Variants in CEACAM16 observed in about 807,000 individuals in gnomAD.
The protein encoded by CEACAM16 is cell adhesion molecule CEACAM16.
In CEACAM16, 30 loss-of-function variants were observed where a neutral mutation model predicts 39.4. The ratio of observed to expected loss-of-function variants is 0.76; its 90% CI spans 0.57 to 1.03. The LOEUF (loss-of-function observed/expected upper bound fraction) is 1.03, where lower values mean the gene tolerates loss of function less well. Ranked by LOEUF, CEACAM16 falls within the 50% of genes least tolerant of loss-of-function variation. The pLI is 0.00. For missense variants in CEACAM16, 521 were observed against 585.3 expected (o/e 0.89, Z 1.13); for synonymous variants, 262 against 264.9 (o/e 0.99, Z 0.11).
rs1489035444 is a variant in CEACAM16 at position 44,705,794 on chromosome 19, G to A, written c.866G>A (p.Gly289Glu). 1.9e-6 allele frequency: 3 copies of A among 1,613,990 alleles called. No homozygotes were observed. In the East Asian group the frequency reaches 6.7e-5, roughly 36 times the overall value. Residue 289 changes from glycine (G) to glutamate (E), a missense_variant, in exon 5 of 7, where the codon GGG becomes GAG. Coordinates refer to ENST00000587331, the MANE Select transcript of CEACAM16 (RefSeq NM_001039213.4). ...NISSMTAAQEGTYTCIAKNTK... is the reference protein window; with the variant it reads ...NISSMTAAQEETYTCIAKNTK... ...AGCAGCATGACAGCCGCCCAGGAGGGGACGTACACATGTATTGCGAAGAAC... is the reference window on the plus strand; with the variant it reads ...AGCAGCATGACAGCCGCCCAGGAGGAGACGTACACATGTATTGCGAAGAAC...
intron 5 of CEACAM16, among the ~76,000 whole-genome samples, chr19:44,706,543 G>C (rs561053643): frequency 3.5e-4 from 53 of 152,232 alleles, no homozygotes; most frequent in African/African-American, 1.3e-3. Context: ...TCAGCCCCCG[G>C]GGGACAGTGG....
At position 44,710,623 on chromosome 19, in the gene CEACAM16, T is replaced by G; in HGVS notation, c.*117T>G. 7.0e-7 allele frequency: 1 copy of G among 1,429,870 alleles called. No homozygotes were observed. The highest frequency in any genetic ancestry group is 9.8e-7 in the Non-Finnish European group (1 of 1,017,434). 88.6% of individuals were successfully genotyped at this position (1,429,870 alleles called of 1,614,324 possible). On this transcript the variant is annotated 3_prime_UTR_variant, in exon 7 of 7. Transcript: ENST00000587331. ...GGATGCCAGGCTGTGGTCCTGCTGT[T>G]CTCCTGCCTCCACCCTAGAGCTAGA... is the stretch of plus-strand genomic sequence containing the variant.
At position 44,708,203 on chromosome 19, in the gene CEACAM16, G is replaced by A. The variant is rs1356715165; in HGVS notation, c.1267+16G>A. 2.0e-6 allele frequency: 3 copies of A among 1,528,576 alleles called. No individual in the cohort carries two copies. Among genetic ancestry groups the A allele is most frequent in the African/African-American group, 1.4e-5 (1 of 72,850 alleles). The allele number at this position is 1,528,576 out of a possible 1,614,324, so 94.7% of individuals were successfully genotyped here. A position where few individuals can be genotyped will look rare whatever the true frequency, so the allele number is the denominator to read the frequency against. Reference sequence around the variant, plus strand: ...CAGGTGGCCCGTGAGTGTGTGGGAAGGGGCAAGGCGTGCCCCTTTTTAGAC... The same window carrying A: ...CAGGTGGCCCGTGAGTGTGTGGGAAAGGGCAAGGCGTGCCCCTTTTTAGAC... On this transcript the variant is annotated intron_variant, in intron 6 of 6. Coordinates refer to ENST00000587331, the MANE Select transcript of CEACAM16 (RefSeq NM_001039213.4).
rs769502146 is a variant in CEACAM16, at chr19:44,704,182, G to A, written c.547G>A (p.Gly183Ser). Residue 183 changes from glycine to serine, a missense_variant, in exon 4 of 7, where the codon GGC becomes AGC. Transcript: ENST00000587331. ...TCTCCGCCTGGGCCTGTCCCCTGAC[G>A]GCCGGGTGCTGGCCAGGCATGGCAT... ...VALRLGLSPD[G>S]RVLARHGIRR... The A allele has an allele frequency of 4.1e-5, 64 of 1,573,990 alleles. No individual in the cohort carries two copies. Among genetic ancestry groups the A allele is most frequent in the South Asian group, 3.7e-4 (32 of 85,918 alleles).
chr19:44,704,316 C>T lies in CEACAM16; in HGVS notation c.661+20C>T. The T allele has an allele frequency of 6.8e-7, 1 of 1,474,864 alleles. No homozygotes were observed. The highest frequency in any genetic ancestry group is 9.0e-7 in the Non-Finnish European group (1 of 1,108,708). 91.4% of individuals were successfully genotyped at this position (1,474,864 alleles called of 1,614,324 possible). On this transcript the variant is annotated intron_variant, in intron 4 of 6. Transcript: ENST00000587331. Reference sequence around the variant, plus strand: ...TGTACTGTGAGTCCTCCTGGCCCCACTGGAGATACCCAGTGTCCAAACCTC... The same window carrying T: ...TGTACTGTGAGTCCTCCTGGCCCCATTGGAGATACCCAGTGTCCAAACCTC...
rs1280737427 is a variant in CEACAM16 at position 44,710,704 on chromosome 19, G to C, written c.*198G>C. 4.7e-6 allele frequency: 3 copies of C among 633,162 alleles called. No homozygotes were observed. Among genetic ancestry groups the C allele is most frequent in the Non-Finnish European group, 8.2e-6 (3 of 367,278 alleles). 39.2% of individuals were successfully genotyped at this position (633,162 alleles called of 1,614,324 possible). On this transcript the variant is annotated 3_prime_UTR_variant, in exon 7 of 7. Transcript: ENST00000587331. Reference sequence around the variant, plus strand: ...TTGGGGAGCCACCGAGGCCATAAACGTCCTGGTTAATGCACACGTGTGTCA... The same window carrying C: ...TTGGGGAGCCACCGAGGCCATAAACCTCCTGGTTAATGCACACGTGTGTCA...
chr19:44,705,961 G>A, intron 5 of CEACAM16, 93 bp downstream of exon 5: 2 of 1,386,784 alleles, frequency 1.4e-6, no homozygotes, highest in Non-Finnish European at 2.0e-6. Context: ...CAGAGAATTG[G>A]AACATGGTAG....
chr19:44,701,399 G>A lies in CEACAM16; in HGVS notation c.-58G>A. 2.6e-6 allele frequency: 4 copies of A among 1,539,214 alleles called. No individual in the cohort carries two copies. The highest frequency in any genetic ancestry group is 3.5e-6 in the Non-Finnish European group (4 of 1,135,226). Reference sequence around the variant, plus strand: ...CGGAGCCGAGCCCCAACCAGGAAGGGAGTCCGAGCACTGGGACTTCAACGC... The same window carrying A: ...CGGAGCCGAGCCCCAACCAGGAAGGAAGTCCGAGCACTGGGACTTCAACGC... On this transcript the variant is annotated 5_prime_UTR_variant, in exon 2 of 7. Coordinates refer to ENST00000587331, the MANE Select transcript of CEACAM16 (RefSeq NM_001039213.4). This position sits in a 1 kb window ranked among gnomAD's most constrained non-coding sequence, Gnocchi z 4.0.
intron 1 of CEACAM16, among the ~76,000 whole-genome samples, chr19:44,699,925 A>C (rs1974318250): frequency 6.6e-6 from 1 of 151,996 alleles, no homozygotes; most frequent in Non-Finnish European, 1.5e-5. Context: ...TCCTGGATTC[A>C]AGCGATTCTC....
At position 44,708,090 on chromosome 19, in the gene CEACAM16, G is replaced by T. The variant is rs377354048; in HGVS notation, c.1170G>T (p.Val390=). 18 of 1,611,724 alleles carry T rather than the reference G, an allele frequency of 1.1e-5. No homozygotes were observed. Among genetic ancestry groups the T allele is most frequent in the Non-Finnish European group, 1.1e-5 (13 of 1,179,102 alleles). Residue 390 remains valine, a synonymous_variant, in exon 6 of 7, where the codon GTG becomes GTT. Coordinates refer to ENST00000587331, the MANE Select transcript of CEACAM16 (RefSeq NM_001039213.4). The part of the protein sequence containing the change: ...EVGFPNCSLL[V]QKLNLTDTGR... Reference sequence around the variant, plus strand: ...GCTTCCCCAACTGCTCGCTGTTGGTGCAGAAGCTGAACCTCACAGACACTG... The same window carrying T: ...GCTTCCCCAACTGCTCGCTGTTGGTTCAGAAGCTGAACCTCACAGACACTG...
intron 3 of CEACAM16, 147 bp downstream of exon 3, chr19:44,703,840 T>C: frequency 1.0e-6 from 1 of 988,498 alleles, no homozygotes. Context: ...CTCAAAATGC[T>C]CACCTCCTTC....
intron 4 of CEACAM16, 125 bp downstream of exon 4, chr19:44,704,421 G>A (rs1434052054): frequency 1.6e-6 from 2 of 1,250,428 alleles, no homozygotes; most frequent in Admixed American, 2.9e-5. Flanking sequence ...TTGGGGACCA[G>A]GGACCCCTCT....
intron 1 of CEACAM16, among the ~76,000 whole-genome samples, chr19:44,700,287 T>G (rs1048008296): frequency 1.3e-5 from 2 of 151,310 alleles, no homozygotes; most frequent in African/African-American, 2.4e-5. Flanking sequence ...TTACAGGCGT[T>G]AGCCACCACA....
chr19:44,705,566 T>A, intron 4 of CEACAM16, 24 bp from the exon 5 acceptor site: 1 of 1,571,880 alleles, frequency 6.4e-7, no homozygotes, highest in Non-Finnish European at 8.7e-7. Flanking sequence ...TACTGCCCCA[T>A]CTATCTCCCT....
intron 6 of CEACAM16, among the ~76,000 whole-genome samples, 200 bp downstream of exon 6, chr19:44,708,387 T>TTTTCCCC (rs1974485995): frequency 6.6e-6 from 1 of 152,024 alleles, no homozygotes; most frequent in Admixed American, 6.6e-5. Flanking sequence ...ATCAAACTAA[T>TTTTCCCC]GACCTACACT....
Position 44,705,849 on chromosome 19 carries a change from A to T in CEACAM16, c.921A>T (p.Ser307=). The T allele has an allele frequency of 6.2e-7, 1 of 1,612,602 alleles. No individual in the cohort carries two copies. Among genetic ancestry groups the T allele is most frequent in the Non-Finnish European group, 8.5e-7 (1 of 1,178,770 alleles). The change falls in exon 5 of 7, where the codon TCA becomes TCT. Residue 307 remains serine, a synonymous_variant. Coordinates refer to ENST00000587331, the MANE Select transcript of CEACAM16 (RefSeq NM_001039213.4). The part of the protein sequence containing the change: ...NTKTLLSGSA[S]VVVKLSAAAV... ...AGACCCTGCTATCTGGATCTGCCTC[A>T]GTCGTGGTCAAGCTCTCTGGTGAGT...
Position 44,704,136 on chromosome 19 carries a change from C to T in CEACAM16, c.501C>T (p.Asn167=), listed in dbSNP as rs748568198. The stretch of plus-strand genomic sequence containing the variant: ...CCGCCGAGGTCCGCTGGTTCTTCAA[C>T]GGTGGGGCCCTGCCCGTCGCTCTCC... ...SPTAEVRWFF[N]GGALPVALRL... The change falls in exon 4 of 7, where the codon AAC becomes AAT. Residue 167 remains asparagine (N), a synonymous_variant. Coordinates refer to ENST00000587331, the MANE Select transcript of CEACAM16 (RefSeq NM_001039213.4). 20 of 1,595,678 alleles carry T rather than the reference C, an allele frequency of 1.3e-5. No homozygotes were observed. The East Asian group carries it at 1.4e-4, about 11-fold the overall frequency.
chr19:44,705,751 C>A lies in CEACAM16; in HGVS notation c.823C>A (p.Gln275Lys). The part of the protein sequence containing the change: ...TFNGQALKNG[Q>K]DHLNISSMTA... ...CAACGGGCAGGCCCTAAAGAACGGCCAAGACCACCTCAACATCAGCAGCAT... is the reference window on the plus strand; with the variant it reads ...CAACGGGCAGGCCCTAAAGAACGGCAAAGACCACCTCAACATCAGCAGCAT... Residue 275 changes from glutamine (Q) to lysine (K), a missense_variant, in exon 5 of 7, where the codon CAA becomes AAA. Coordinates refer to ENST00000587331, the MANE Select transcript of CEACAM16 (RefSeq NM_001039213.4). 2 of 1,614,016 alleles carry A rather than the reference C, an allele frequency of 1.2e-6. No individual in the cohort carries two copies. The highest frequency in any genetic ancestry group is 1.7e-6 in the Non-Finnish European group (2 of 1,179,886).
rs944717172 is a variant in CEACAM16 at position 44,705,680 on chromosome 19, G to A, written c.752G>A (p.Trp251Ter). The change falls in exon 5 of 7, where the codon TGG (tryptophan) becomes TAG (stop). Residue 251 changes from tryptophan (W) to a stop codon, truncating the protein, a stop_gained. Coordinates refer to ENST00000587331, the MANE Select transcript of CEACAM16 (RefSeq NM_001039213.4). LOFTEE classifies it high-confidence loss of function. ...GACTTCAACACGTCCCTCACCCTGT[G>A]GTGCGTGTCCAGGTCCTGCCCAGAG... is the stretch of plus-strand genomic sequence containing the variant. Reference protein sequence around the residue: ...KVDFNTSLTLWCVSRSCPEPE... With the variant: ...KVDFNTSLTL The A allele has an allele frequency of 1.2e-6, 2 of 1,613,954 alleles. No individual in the cohort carries two copies.
Sources: gnomAD v4.1 joint callset for allele counts (sites outside exome capture counted in the v4.1 genomes callset) on GRCh38, gnomAD v4.1.1 for gene constraint, Gnocchi (gnomAD v3.1) non-coding constraint, MANE v1.5 for transcripts, NCBI Gene and HGNC (gene_info 2026-07-23, HGNC 2026-07-21) for gene names.